SMYD3: variants seen among roughly 807,000 people sequenced by gnomAD.
SMYD3 encodes the protein SET and MYND domain containing 3.
Under a neutral mutation model 57.7 loss-of-function variants are expected in SMYD3, and 36 were observed. The ratio of observed to expected loss-of-function variants is 0.62; its 90% CI spans 0.48 to 0.82. The LOEUF (loss-of-function observed/expected upper bound fraction) is 0.82. Ranked by LOEUF, SMYD3 falls within the 40% of genes least tolerant of loss-of-function variation. SMYD3 has a pLI of 0.00. For synonymous variants in SMYD3, 211 were observed against 195.0 expected (o/e 1.08, Z -0.68); for missense variants, 515 against 538.8 (o/e 0.96, Z 0.44).
rs187436639 is a variant in SMYD3 at position 245,826,137 on chromosome 1, A to G, written c.1076+32359T>C. Among the ~76,000 whole-genome samples the G allele has an allele frequency of 2.3e-3, 346 of 151,820 alleles. 2 individuals carry two copies. Among genetic ancestry groups the G allele is most frequent in the South Asian group, 4.2e-3 (20 of 4,768 alleles). The stretch of plus-strand genomic sequence containing the variant: ...CTATTAAGTATATTCACACTGTTGT[A>G]TAACAGTCATCCAGAACTTTTTCAT... On this transcript the variant is annotated intron_variant, in intron 10 of 11. Coordinates refer to ENST00000490107, the MANE Select transcript of SMYD3 (RefSeq NM_001167740.2).
chr1:245,856,284 C>T (rs924892083), intron 10 of SMYD3, among the ~76,000 whole-genome samples: 10 of 152,328 alleles, frequency 6.6e-5, no homozygotes, highest in Middle Eastern at 3.4e-3. Flanking sequence ...TCAACTACAG[C>T]TTTAAAAGCA....
At chr1:245,775,940 A>AGAAT (rs1471020011) in intron 10 of SMYD3, among the ~76,000 whole-genome samples, 1 of 152,214 alleles carries the variant, frequency 6.6e-6, no homozygotes. Flanking sequence ...ATGGACAAAG[A>AGAAT]GAATGCTTAA....
chr1:246,342,663 C>G (rs2065651036), intron 2 of SMYD3, among the ~76,000 whole-genome samples: 1 of 152,106 alleles, frequency 6.6e-6, no homozygotes, highest in Non-Finnish European at 1.5e-5. Context: ...AAATGTAGAG[C>G]AAGAGCATCT....
At chr1:245,930,051 GA>G (rs1558505755) in intron 5 of SMYD3, 114 bp from the exon 6 acceptor site, 1 of 808,638 alleles carries the variant, frequency 1.2e-6, no homozygotes, top group East Asian at 2.7e-5. Flanking sequence ...AGTTGCTTAA[GA>G]AAGAGCCAAG....
At chr1:245,931,634 A>C (rs149591688) in intron 5 of SMYD3, among the ~76,000 whole-genome samples, 3,293 of 152,332 alleles carry the variant, frequency 0.022, 66 homozygotes, top group Non-Finnish European at 0.029. Flanking sequence ...GCCATCAAAA[A>C]ACAAAAAAAG....
chr1:246,236,158 T>G (rs568288104), intron 5 of SMYD3, among the ~76,000 whole-genome samples: 1 of 152,170 alleles, frequency 6.6e-6, no homozygotes, highest in Non-Finnish European at 1.5e-5. Context: ...GCGTGATTTT[T>G]AAAAGACATT....
At chr1:246,399,829 A>T (rs972525613) in intron 1 of SMYD3, among the ~76,000 whole-genome samples, 19 of 152,226 alleles carry the variant, frequency 1.2e-4, no homozygotes, top group Admixed American at 3.3e-4. Context: ...ATGTATTAAC[A>T]TTGGCTTTCA....
chr1:246,433,508 A>G (rs1385486659), intron 1 of SMYD3, among the ~76,000 whole-genome samples: 1 of 152,148 alleles, frequency 6.6e-6, no homozygotes, highest in Middle Eastern at 3.2e-3. Flanking sequence ...TAAAAATACA[A>G]AAATTAGCCA....
rs763778852 is a variant in SMYD3 at position 245,798,089 on chromosome 1, AT to A, written c.1077-33941del. Among the ~76,000 whole-genome samples the A allele has an allele frequency of 5.6e-3, 849 of 150,790 alleles. 7 individuals carry two copies. Among genetic ancestry groups the A allele is most frequent in the African/African-American group, 0.019 (794 of 41,134 alleles). The stretch of plus-strand genomic sequence containing the variant: ...CTGTCTAGAAAGTAGAAACATTCTT[AT>A]TTTTTTTTTTAAAATATGCAACTCT... On this transcript the variant is annotated intron_variant, in intron 10 of 11. Coordinates refer to ENST00000490107, the MANE Select transcript of SMYD3 (RefSeq NM_001167740.2).
chr1:246,421,025 G>A (rs533769379), intron 1 of SMYD3, among the ~76,000 whole-genome samples: 1 of 152,092 alleles, frequency 6.6e-6, no homozygotes, highest in African/African-American at 2.4e-5. Flanking sequence ...TCCTCAAATA[G>A]CTATTCTTCT....
At chr1:245,998,344 T>A (rs1433303727) in intron 5 of SMYD3, among the ~76,000 whole-genome samples, 1 of 152,198 alleles carries the variant, frequency 6.6e-6, no homozygotes, top group Non-Finnish European at 1.5e-5. Flanking sequence ...AGAGACATGA[T>A]TCTTGCTGAA....
intron 5 of SMYD3, among the ~76,000 whole-genome samples, chr1:245,939,453 A>G (rs779755504): frequency 7.9e-5 from 12 of 152,170 alleles, no homozygotes; most frequent in South Asian, 2.1e-4. Context: ...GTGAAACCCC[A>G]TCTCTACTAA....
At chr1:246,114,275 T>C (rs1390587303) in intron 5 of SMYD3, among the ~76,000 whole-genome samples, 1 of 152,146 alleles carries the variant, frequency 6.6e-6, no homozygotes, top group Non-Finnish European at 1.5e-5. Context: ...CAGCAATCAC[T>C]GAGAGACTGG....
chr1:246,432,824 A>G (rs1175801269), intron 1 of SMYD3, among the ~76,000 whole-genome samples: 1 of 152,216 alleles, frequency 6.6e-6, no homozygotes, highest in African/African-American at 2.4e-5. Context: ...TGTTTGAATT[A>G]TCATGATCAC....
intron 5 of SMYD3, among the ~76,000 whole-genome samples, chr1:246,245,350 C>T (rs985631653): frequency 2.0e-5 from 3 of 151,808 alleles, no homozygotes; most frequent in Non-Finnish European, 4.4e-5. Flanking sequence ...GGCTGAGGCA[C>T]GAGAATCTCT....
chr1:246,187,397 T>C (rs1017253641), intron 5 of SMYD3, among the ~76,000 whole-genome samples: 3 of 152,186 alleles, frequency 2.0e-5, no homozygotes, highest in Non-Finnish European at 4.4e-5. Context: ...AAGGTTCTTA[T>C]GTCCTGTGTT....
At chr1:246,187,664 G>A (rs1323209931) in intron 5 of SMYD3, among the ~76,000 whole-genome samples, 1 of 152,148 alleles carries the variant, frequency 6.6e-6, no homozygotes, top group Non-Finnish European at 1.5e-5. Context: ...TTCTAAGCAA[G>A]ACTGCAGCCC....
At chr1:246,270,356 T>C (rs1374658315) in intron 5 of SMYD3, among the ~76,000 whole-genome samples, 1 of 152,234 alleles carries the variant, frequency 6.6e-6, no homozygotes, top group Non-Finnish European at 1.5e-5. Flanking sequence ...TAGTTAAGTA[T>C]ACACTTTAGT....
chr1:245,852,938 A>T (rs1194897553), intron 10 of SMYD3, among the ~76,000 whole-genome samples: 1 of 152,164 alleles, frequency 6.6e-6, no homozygotes, highest in African/African-American at 2.4e-5. Flanking sequence ...ACACATACGA[A>T]CACACGCACA....
Sources: allele counts gnomAD v4.1 joint callset (sites outside exome capture counted in the v4.1 genomes callset), GRCh38; gene constraint gnomAD v4.1.1; transcripts MANE v1.5; gene names NCBI Gene and HGNC (gene_info 2026-07-23, HGNC 2026-07-21).